The following IL1RAPL1 variants were observed in gnomAD, a reference collection of about 807,000 sequenced individuals.
IL1RAPL1 encodes interleukin-1 receptor accessory protein-like 1.
A neutral mutation model predicts 48.4 loss-of-function variants in IL1RAPL1; 3 were observed. The observed-to-expected ratio is 0.06, with a 90% CI of 0.03 to 0.16. The LOEUF (loss-of-function observed/expected upper bound fraction) is 0.16. Ranked by LOEUF, IL1RAPL1 falls within the 10% of genes least tolerant of loss-of-function variation. The pLI is 1.00. For missense variants in IL1RAPL1, 349 were observed against 530.6 expected (o/e 0.66, Z 3.36); for synonymous variants, 185 against 187.7 (o/e 0.99, Z 0.12).
chrX:29,804,857 G>C (rs1930213633), intron 6 of IL1RAPL1, among the ~76,000 whole-genome samples: 1 of 112,168 alleles, frequency 8.9e-6, no homozygotes, highest in African/African-American at 3.2e-5. Context: ...GGATTCATCA[G>C]TGGTGGTCTC....
chrX:29,637,871 T>C (rs1925024568), intron 5 of IL1RAPL1, among the ~76,000 whole-genome samples: 1 of 112,406 alleles, frequency 8.9e-6, no homozygotes, highest in African/African-American at 3.2e-5. Flanking sequence ...AAACACTTGC[T>C]CTTTTTAGGC....
chrX:29,406,441 A>C (rs2143169), intron 5 of IL1RAPL1, among the ~76,000 whole-genome samples: 1 of 109,224 alleles, frequency 9.2e-6, no homozygotes, highest in Non-Finnish European at 1.9e-5. Context: ...TAACATTGCA[A>C]TCTCTCTTCT....
chrX:28,635,039 T>C (rs142144760), intron 1 of IL1RAPL1, among the ~76,000 whole-genome samples: 2,490 of 111,445 alleles, frequency 0.022, 71 homozygotes, highest in African/African-American at 0.077. Context: ...GAGGAAGACA[T>C]GTTTATTGTT....
chrX:29,445,162 C>T (rs2147722148), intron 5 of IL1RAPL1, among the ~76,000 whole-genome samples: 1 of 112,001 alleles, frequency 8.9e-6, no homozygotes, highest in African/African-American at 3.2e-5. Context: ...GTGGAAAATC[C>T]GTTTAAAAGT....
At chrX:28,795,028 T>G (rs2147268292) in intron 2 of IL1RAPL1, among the ~76,000 whole-genome samples, 1 of 111,481 alleles carries the variant, frequency 9.0e-6, no homozygotes, top group East Asian at 2.8e-4. Context: ...TTTATTATGT[T>G]ACCATGTGTT....
chrX:29,583,816 G>T (rs1340814845), intron 5 of IL1RAPL1, among the ~76,000 whole-genome samples: 1 of 110,887 alleles, frequency 9.0e-6, no homozygotes, highest in Non-Finnish European at 1.9e-5. Flanking sequence ...TGACTTCAAA[G>T]ATAGCATCTT....
At chrX:29,589,148 A>G (rs1923284181) in intron 5 of IL1RAPL1, among the ~76,000 whole-genome samples, 1 of 112,235 alleles carries the variant, frequency 8.9e-6, no homozygotes, top group Non-Finnish European at 1.9e-5. Flanking sequence ...CAGATCTAGT[A>G]AACTGACTCT....
At chrX:29,479,614 C>T (rs1338812465) in intron 5 of IL1RAPL1, among the ~76,000 whole-genome samples, 2 of 108,505 alleles carry the variant, frequency 1.8e-5, no homozygotes, top group Admixed American at 9.9e-5. Context: ...AATTTTAGTG[C>T]ACCCATCACC....
chrX:28,716,105 T>C (rs1379644150), intron 1 of IL1RAPL1, among the ~76,000 whole-genome samples: 1 of 112,222 alleles, frequency 8.9e-6, no homozygotes, highest in African/African-American at 3.2e-5. Context: ...TCTCAATAGA[T>C]GCAGAAAAGG....
chrX:28,782,604 G>T (rs1407995908), intron 1 of IL1RAPL1, among the ~76,000 whole-genome samples: 1 of 111,466 alleles, frequency 9.0e-6, no homozygotes, highest in Non-Finnish European at 1.9e-5. Context: ...AAAAGAAAAA[G>T]GTTTTCTATA....
At chrX:28,705,540 C>A (rs1935365354) in intron 1 of IL1RAPL1, among the ~76,000 whole-genome samples, 1 of 111,825 alleles carries the variant, frequency 8.9e-6, no homozygotes, top group African/African-American at 3.3e-5. Flanking sequence ...GGTAAAGAAA[C>A]TAGCAACGTG....
chrX:28,967,474 T>TA (rs1002795944), intron 2 of IL1RAPL1, among the ~76,000 whole-genome samples: 7 of 109,987 alleles, frequency 6.4e-5, no homozygotes, highest in East Asian at 2.8e-4. Context: ...GTTAAGCCAT[T>TA]AAAAAAAAAT....
chrX:29,685,573 T>C (rs1418318744), intron 6 of IL1RAPL1, among the ~76,000 whole-genome samples: 1 of 111,877 alleles, frequency 8.9e-6, no homozygotes, highest in Admixed American at 9.5e-5. Context: ...TGTAAATGTT[T>C]GCTGTATTAA....
intron 2 of IL1RAPL1, among the ~76,000 whole-genome samples, chrX:28,817,634 C>A (rs1199685628): frequency 9.0e-6 from 1 of 111,232 alleles, no homozygotes; most frequent in Non-Finnish European, 1.9e-5. Flanking sequence ...CAAGAATACC[C>A]AAGCTGGATA....
chrX:29,248,990 T>C (rs1424853699), intron 2 of IL1RAPL1, among the ~76,000 whole-genome samples: 1 of 111,336 alleles, frequency 9.0e-6, no homozygotes, highest in Non-Finnish European at 1.9e-5. Flanking sequence ...TATCTATTAG[T>C]ATGGAAAGAA....
rs148826823 is a variant in IL1RAPL1, at chrX:29,525,637, A to T, written c.703+126329A>T. 1.7e-3 allele frequency among the ~76,000 whole-genome samples: 194 copies of T among 112,052 alleles called. 1 individual carries two copies. Among genetic ancestry groups the T allele is most frequent in the African/African-American group, 5.9e-3 (183 of 30,851 alleles). ...TTACCAAAGTCCAAGCCCCACAAGG[A>T]GGTTATTCACCTGCCCATAGGTCCA... is the stretch of plus-strand genomic sequence containing the variant. On this transcript the variant is annotated intron_variant, in intron 5 of 10. Transcript: ENST00000378993.
At position 29,103,048 on chromosome X, in the gene IL1RAPL1, C is replaced by T. The variant is rs772619666; in HGVS notation, c.83-179890C>T. Among the ~76,000 whole-genome samples, 4 of 112,106 alleles carry T rather than the reference C, an allele frequency of 3.6e-5. No individual in the cohort carries two copies. In the South Asian group the frequency reaches 1.5e-3, roughly 41 times the overall value. On this transcript the variant is annotated intron_variant, in intron 2 of 10. Transcript: ENST00000378993. ...AATATTGTTAAAATATCCACACTAT[C>T]CAAAGCAATCTACAGATTCAATGCA...
At chrX:28,794,164 G>A (rs777713425) in intron 2 of IL1RAPL1, among the ~76,000 whole-genome samples, 4 of 110,941 alleles carry the variant, frequency 3.6e-5, no homozygotes, top group South Asian at 7.6e-4. Context: ...GATATAACCC[G>A]GAATAAGCAA....
At chrX:28,821,634 C>G (rs1261214646) in intron 2 of IL1RAPL1, among the ~76,000 whole-genome samples, 2 of 110,761 alleles carry the variant, frequency 1.8e-5, no homozygotes, top group Non-Finnish European at 3.8e-5. Flanking sequence ...GTAATATTAC[C>G]AAAATATTTC....
Sources: allele counts gnomAD v4.1 joint callset (sites outside exome capture counted in the v4.1 genomes callset), GRCh38; gene constraint gnomAD v4.1.1; transcripts MANE v1.5; gene names NCBI Gene and HGNC (gene_info 2026-07-23, HGNC 2026-07-21).